The following PCDHA9 variants were observed in gnomAD, a reference collection of about 807,000 sequenced individuals.
PCDHA9 encodes the protein protocadherin alpha 9.
Under a neutral mutation model 62.0 loss-of-function variants are expected in PCDHA9, and 62 were observed. That is an observed-to-expected ratio of 1.00 (90% CI 0.81 to 1.23). The LOEUF (loss-of-function observed/expected upper bound fraction) is 1.23. PCDHA9 is among the 50% of genes most tolerant of loss of function. The pLI is 0.00. For synonymous variants in PCDHA9, 557 were observed against 567.6 expected (o/e 0.98, Z 0.27); for missense variants, 1,205 against 1,249.8 (o/e 0.96, Z 0.54).
At chr5:140,997,091 G>A (rs73268064) in intron 3 of PCDHA9, among the ~76,000 whole-genome samples, 546 of 152,154 alleles carry the variant, frequency 3.6e-3, no homozygotes, top group Middle Eastern at 0.014. Flanking sequence ...AGAAAGTGCA[G>A]AGTTCTCATG....
intron 3 of PCDHA9, among the ~76,000 whole-genome samples, chr5:140,985,957 T>A (rs2097180705): frequency 6.6e-6 from 1 of 152,084 alleles, no homozygotes. Context: ...GCCAGGATGG[T>A]CTCAATCTCC....
At chr5:140,991,595 C>G (rs181014489) in intron 3 of PCDHA9, among the ~76,000 whole-genome samples, 1 of 152,328 alleles carries the variant, frequency 6.6e-6, no homozygotes, top group African/African-American at 2.4e-5. Flanking sequence ...TACCTGAGCC[C>G]TCACTGGCAG....
intron 1 of PCDHA9, among the ~76,000 whole-genome samples, chr5:140,976,934 C>T (rs995021593): frequency 1.3e-5 from 2 of 152,170 alleles, no homozygotes; most frequent in African/African-American, 2.4e-5. Context: ...TGTGTAGCTA[C>T]TTAAAACATA....
At chr5:140,957,919 A>G (rs1477103013) in intron 1 of PCDHA9, among the ~76,000 whole-genome samples, 1 of 152,158 alleles carries the variant, frequency 6.6e-6, no homozygotes, top group Non-Finnish European at 1.5e-5. Flanking sequence ...TTATCTATGT[A>G]TCAAGCTAAA....
intron 1 of PCDHA9, among the ~76,000 whole-genome samples, chr5:140,944,781 G>T (rs1404959208): frequency 6.6e-6 from 1 of 152,114 alleles, no homozygotes; most frequent in Non-Finnish European, 1.5e-5. Context: ...TCCTGTTATT[G>T]TATTTTACAA....
chr5:140,977,630 C>T (rs2096769145), intron 1 of PCDHA9, among the ~76,000 whole-genome samples: 1 of 152,148 alleles, frequency 6.6e-6, no homozygotes, highest in African/African-American at 2.4e-5. Flanking sequence ...AGAGTTGTAA[C>T]TTTTTCTGGG....
chr5:140,980,834 C>A (rs1424222678), intron 2 of PCDHA9, among the ~76,000 whole-genome samples: 1 of 151,974 alleles, frequency 6.6e-6, no homozygotes, highest in Non-Finnish European at 1.5e-5. Context: ...AGTTGTGAAC[C>A]TAAATAATAC....
intron 1 of PCDHA9, among the ~76,000 whole-genome samples, chr5:140,874,504 C>A (rs2054953142): frequency 6.6e-6 from 1 of 152,198 alleles, no homozygotes; most frequent in Admixed American, 6.5e-5. Flanking sequence ...AGTTCACATT[C>A]TCTTGACTTT....
intron 1 of PCDHA9, chr5:140,875,350 T>G (rs1465566736): frequency 6.9e-7 from 1 of 1,444,966 alleles, no homozygotes; most frequent in African/African-American, 1.4e-5. Flanking sequence ...CCATAATGAC[T>G]GTGATGCTGG....
rs1484311028 is a variant in PCDHA9 at position 140,850,855 on chromosome 5, G to C, written c.2360G>C (p.Gly787Ala). 8.1e-6 allele frequency: 13 copies of C among 1,595,270 alleles called. No individual in the cohort carries two copies. In the South Asian group the frequency reaches 1.4e-4, roughly 18 times the overall value. ...TGTGCTGGATCTACAGAGCGAACGG[G>C]AGAACCCTCTGCTTCCTCAGATTCA... Reference protein sequence around the residue: ...SPCAGSTERTGEPSASSDSTG... With the variant: ...SPCAGSTERTAEPSASSDSTG... The change falls in exon 1 of 4, where the codon GGA becomes GCA. Residue 787 changes from glycine to alanine, a missense_variant. By Grantham distance (60) the Gly-to-Ala change is moderately conservative. This residue lies in a region of PCDHA9 where 887 missense variants were observed against 809.5 expected (regional missense o/e 1.10). Transcript: ENST00000532602.
At chr5:140,885,424 A>G (rs1311599501) in intron 1 of PCDHA9, among the ~76,000 whole-genome samples, 4 of 152,148 alleles carry the variant, frequency 2.6e-5, no homozygotes, top group African/African-American at 7.2e-5. Context: ...AGTATTCCAC[A>G]GTGTAAGTGT....
intron 1 of PCDHA9, chr5:140,856,526 G>C (rs1461628453): frequency 6.3e-7 from 1 of 1,598,340 alleles, no homozygotes; most frequent in Non-Finnish European, 8.6e-7. Context: ...ATCTGATGCG[G>C]ATGTTGGAGA....
chr5:140,862,390 A>T (rs1325136355), intron 1 of PCDHA9: 3 of 349,930 alleles, frequency 8.6e-6, no homozygotes, highest in African/African-American at 6.4e-5. Context: ...ACGTCTCTTC[A>T]AGCTGGTGTC....
chr5:140,969,822 G>A (rs559271640), intron 1 of PCDHA9, among the ~76,000 whole-genome samples: 68 of 152,320 alleles, frequency 4.5e-4, no homozygotes, highest in Non-Finnish European at 8.4e-4. Flanking sequence ...ACTCTGGACT[G>A]TCTACAGTGG....
At chr5:140,942,996 C>T (rs1294135098) in intron 1 of PCDHA9, among the ~76,000 whole-genome samples, 1 of 151,798 alleles carries the variant, frequency 6.6e-6, no homozygotes, top group South Asian at 2.1e-4. Context: ...GTGGCTCATG[C>T]CTGTAATCCC....
At chr5:140,994,226 G>A (rs2097606248) in intron 3 of PCDHA9, among the ~76,000 whole-genome samples, 1 of 152,162 alleles carries the variant, frequency 6.6e-6, no homozygotes. Flanking sequence ...GTCTGTCTAT[G>A]TTATAATCAA....
chr5:140,926,889 G>A, intron 1 of PCDHA9: 1 of 1,545,026 alleles, frequency 6.5e-7, no homozygotes, highest in Non-Finnish European at 8.7e-7. Context: ...CGCCTAGAGG[G>A]AGGATGGTGG....
At chr5:140,883,619 A>T (rs1554178937) in intron 1 of PCDHA9, 2 of 1,613,984 alleles carry the variant, frequency 1.2e-6, no homozygotes, top group Admixed American at 3.3e-5. Context: ...CGTGAACGAC[A>T]ACGCGCCGGC....
intron 1 of PCDHA9, among the ~76,000 whole-genome samples, chr5:140,873,969 A>T (rs1438036244): frequency 6.6e-6 from 1 of 152,224 alleles, no homozygotes; most frequent in Non-Finnish European, 1.5e-5. Context: ...CCTATTTTTT[A>T]AAATTAAAGT....
Sources: gnomAD v4.1 joint callset for allele counts (sites outside exome capture counted in the v4.1 genomes callset) on GRCh38, gnomAD v4.1.1 for gene constraint, gnomAD v4.1.1 regional missense constraint, MANE v1.5 for transcripts, NCBI Gene and HGNC (gene_info 2026-07-23, HGNC 2026-07-21) for gene names.